The following SMARCA5 variants were observed in gnomAD, a reference collection of about 807,000 sequenced individuals.
The protein encoded by SMARCA5 is SWI/SNF-related matrix-associated actin-dependent regulator of chromatin subfamily A member 5.
SMARCA5 carries 18 observed loss-of-function variants against 140.4 expected under a neutral mutation model. That is an observed-to-expected ratio of 0.13 (90% confidence interval 0.09 to 0.19). The LOEUF (loss-of-function observed/expected upper bound fraction) is 0.19, where lower values mean the gene tolerates loss of function less well. Ranked by LOEUF, SMARCA5 falls within the 10% of genes least tolerant of loss-of-function variation. SMARCA5 has a pLI of 1.00. For missense variants in SMARCA5, 606 were observed against 1,276.8 expected (o/e 0.47, Z 8.01); for synonymous variants, 449 against 419.6 (o/e 1.07, Z -0.86).
At chr4:143,540,692 G>T (rs1737410205) in intron 14 of SMARCA5, among the ~76,000 whole-genome samples, 197 bp downstream of exon 14, 1 of 152,166 alleles carries the variant, frequency 6.6e-6, no homozygotes. Context: ...GACAGTTGAG[G>T]TTTGAATAAT....
chr4:143,529,420 A>G (rs773109558), intron 8 of SMARCA5, among the ~76,000 whole-genome samples: 1 of 152,196 alleles, frequency 6.6e-6, no homozygotes, highest in Non-Finnish European at 1.5e-5. Flanking sequence ...TTTAAGTCCC[A>G]AGGATGACTG....
At chr4:143,551,533 G>A (rs527667368) in intron 23 of SMARCA5, among the ~76,000 whole-genome samples, 1 of 151,982 alleles carries the variant, frequency 6.6e-6, no homozygotes, top group Admixed American at 6.6e-5. Flanking sequence ...CACAGTTTGA[G>A]GACTTAAAGT....
chr4:143,520,369 G>C (rs1244405307), intron 2 of SMARCA5, among the ~76,000 whole-genome samples: 1 of 152,114 alleles, frequency 6.6e-6, no homozygotes, highest in Non-Finnish European at 1.5e-5. Flanking sequence ...GGACATTACT[G>C]GGGTTCTAGC....
At chr4:143,525,293 A>G (rs1331249639) in intron 4 of SMARCA5, among the ~76,000 whole-genome samples, 158 bp from the exon 5 acceptor site, 2 of 152,186 alleles carry the variant, frequency 1.3e-5, no homozygotes, top group Non-Finnish European at 2.9e-5. Flanking sequence ...ACTTCAGACC[A>G]TGGCAGCTAC....
In SMARCA5 at chr4:143,536,335, G is replaced by A. The variant is rs187375518; in HGVS notation, c.1269-117G>A. 1.2e-4 allele frequency: 85 copies of A among 682,828 alleles called. No homozygotes were observed. The African/African-American group carries it at 1.3e-3, about 10-fold the overall frequency. The allele number at this position is 682,828 out of a possible 1,614,324, so 42.3% of individuals were successfully genotyped here. ...TTCCTAACCATACCTAGAAGTTGAT[G>A]AGTAGTTTCTTACAGATATTTGGGG... is the stretch of plus-strand genomic sequence containing the variant. On this transcript the variant is annotated intron_variant, in intron 10 of 23. Transcript: ENST00000283131.
intron 8 of SMARCA5, among the ~76,000 whole-genome samples, chr4:143,529,216 C>T (rs982030971): frequency 3.3e-5 from 5 of 152,094 alleles, no homozygotes; most frequent in South Asian, 2.1e-4. Flanking sequence ...ATTACAGGCA[C>T]GAGCCACCAC....
intron 2 of SMARCA5, among the ~76,000 whole-genome samples, chr4:143,520,485 T>G (rs1020136899): frequency 6.6e-6 from 1 of 152,218 alleles, no homozygotes; most frequent in African/African-American, 2.4e-5. Flanking sequence ...AAATTGGGCT[T>G]CAGTTTTTAC....
At chr4:143,528,126 G>A (rs573295330) in intron 7 of SMARCA5, 103 bp downstream of exon 7, 18 of 873,992 alleles carry the variant, frequency 2.1e-5, no homozygotes, top group African/African-American at 1.7e-4. Context: ...TGTGCAGAAC[G>A]TGCAGGTTTG....
In SMARCA5 at chr4:143,513,875, C is replaced by T; in HGVS notation, c.-50C>T. ...CCAGGCCTAGGCCTCCCCGTCCATCCCCGCCGGACTCGGGCCTCTGGCAGC... is the reference window on the plus strand; with the variant it reads ...CCAGGCCTAGGCCTCCCCGTCCATCTCCGCCGGACTCGGGCCTCTGGCAGC... On this transcript the variant is annotated 5_prime_UTR_variant, in exon 1 of 24. Transcript: ENST00000283131. The T allele has an allele frequency of 6.6e-7, 1 of 1,525,278 alleles. No homozygotes were observed. Among genetic ancestry groups the T allele is most frequent in the Non-Finnish European group, 8.8e-7 (1 of 1,141,286 alleles). 94.5% of individuals were successfully genotyped at this position (1,525,278 alleles called of 1,614,324 possible).
At chr4:143,523,991 G>C (rs1449630491) in intron 3 of SMARCA5, among the ~76,000 whole-genome samples, 1 of 152,080 alleles carries the variant, frequency 6.6e-6, no homozygotes, top group Non-Finnish European at 1.5e-5. Context: ...TTTGCTCGAA[G>C]TTACAATTTT....
intron 22 of SMARCA5, 62 bp from the exon 23 acceptor site, chr4:143,549,934 TA>T: frequency 1.1e-6 from 1 of 887,000 alleles, no homozygotes; most frequent in African/African-American, 1.7e-5. Flanking sequence ...TACCTTGTTT[TA>T]AAATTGAAAT....
intron 3 of SMARCA5, among the ~76,000 whole-genome samples, chr4:143,521,909 A>AAAAAAAAAG (rs1736968765): frequency 6.6e-6 from 1 of 151,490 alleles, no homozygotes; most frequent in African/African-American, 2.4e-5. Flanking sequence ...AAAAAAAAAA[A>AAAAAAAAAG]AAAAAAAAGA....
intron 13 of SMARCA5, among the ~76,000 whole-genome samples, chr4:143,539,270 TAGAC>T (rs1234141441): frequency 6.6e-6 from 1 of 152,122 alleles, no homozygotes; most frequent in African/African-American, 2.4e-5. Flanking sequence ...ATCAAAGAAT[TAGAC>T]AGAACTCAAA....
chr4:143,548,168 T>G, intron 22 of SMARCA5, 28 bp downstream of exon 22: 1 of 1,354,532 alleles, frequency 7.4e-7, no homozygotes, highest in East Asian at 2.3e-5. Context: ...TTTTGTGTAA[T>G]GTAGCAGAGT....
At chr4:143,523,996 A>G (rs1018459127) in intron 3 of SMARCA5, among the ~76,000 whole-genome samples, 1 of 152,134 alleles carries the variant, frequency 6.6e-6, no homozygotes, top group African/African-American at 2.4e-5. Flanking sequence ...TCGAAGTTAC[A>G]ATTTTAAACA....
In SMARCA5 at chr4:143,556,115, G is replaced by A. The variant is rs897376670; in HGVS notation, c.*2931G>A. On this transcript the variant is annotated 3_prime_UTR_variant, in exon 24 of 24. Transcript: ENST00000283131. ...CTCATTAGGGCATTTCTGATTTTTGGATTAGGGATGCTGAACTGATAAGTA... is the reference window on the plus strand; with the variant it reads ...CTCATTAGGGCATTTCTGATTTTTGAATTAGGGATGCTGAACTGATAAGTA... 1 of 152,134 alleles carries A rather than the reference G, an allele frequency of 6.6e-6. No individual in the cohort carries two copies. The highest frequency in any genetic ancestry group is 1.5e-5 in the Non-Finnish European group (1 of 68,024). 9.4% of individuals were successfully genotyped at this position (152,134 alleles called of 1,614,324 possible). A position where few individuals can be genotyped will look rare whatever the true frequency, so the allele number is the denominator to read the frequency against.
chr4:143,518,461 C>T (rs1438223692), intron 2 of SMARCA5, among the ~76,000 whole-genome samples: 1 of 152,120 alleles, frequency 6.6e-6, no homozygotes, highest in East Asian at 1.9e-4. Context: ...AGGGTAAAAA[C>T]AGTGTCTTAA....
At chr4:143,547,536 T>G (rs1370925327) in intron 21 of SMARCA5, 33 bp downstream of exon 21, 2 of 1,067,192 alleles carry the variant, frequency 1.9e-6, no homozygotes, top group African/African-American at 3.1e-5. Context: ...AGGTAGTTAA[T>G]AAAATAACTC....
At position 143,520,556 on chromosome 4, in the gene SMARCA5, T is replaced by C. The variant is rs139765110; in HGVS notation, c.253-873T>C. Among the ~76,000 whole-genome samples, 10 of 152,358 alleles carry C rather than the reference T, an allele frequency of 6.6e-5. No individual in the cohort carries two copies. In the East Asian group the frequency reaches 1.9e-3, roughly 29 times the overall value. ...TAAAAATACGTAGTTGTTACAACAT[T>C]ATGGCATTTGGATACTTCTTGTGTT... On this transcript the variant is annotated intron_variant, in intron 2 of 23. Transcript: ENST00000283131.
Sources: allele counts gnomAD v4.1 joint callset (sites outside exome capture counted in the v4.1 genomes callset), GRCh38; gene constraint gnomAD v4.1.1; transcripts MANE v1.5; gene names NCBI Gene and HGNC (gene_info 2026-07-23, HGNC 2026-07-21).